The following IQCB1 variants were observed in gnomAD, a reference collection of about 807,000 sequenced individuals.
IQCB1 encodes IQ motif containing B1, also known as IQ calmodulin-binding motif-containing protein 1.
A neutral mutation model predicts 84.4 loss-of-function variants in IQCB1; 56 were observed. That is an observed-to-expected ratio of 0.66 (90% CI 0.54 to 0.83). The LOEUF (loss-of-function observed/expected upper bound fraction) is 0.83, where lower values mean the gene tolerates loss of function less well. Among genes scored for constraint, IQCB1 ranks in the 40% least tolerant of loss-of-function variants. The probability of loss-of-function intolerance (pLI) is 0.00; values close to 1 mark genes in which losing one functional copy is unlikely to be tolerated. For missense variants in IQCB1, 629 were observed against 682.1 expected (o/e 0.92, Z 0.87); for synonymous variants, 210 against 234.8 (o/e 0.89, Z 0.96).
At chr3:121,784,335 T>C (rs1948625252) in intron 12 of IQCB1, among the ~76,000 whole-genome samples, 1 of 152,026 alleles carries the variant, frequency 6.6e-6, no homozygotes. Flanking sequence ...TGTGTGCCAC[T>C]GGCAAAATCT....
intron 2 of IQCB1, 42 bp from the exon 3 acceptor site, chr3:121,829,014 G>C (rs1950545291): frequency 1.9e-6 from 2 of 1,062,314 alleles, no homozygotes; most frequent in Non-Finnish European, 2.9e-6. Context: ...CAAAAAGCCA[G>C]GAAATGTTCA....
intron 7 of IQCB1, among the ~76,000 whole-genome samples, chr3:121,805,956 C>T (rs1257850730): frequency 6.6e-6 from 1 of 152,088 alleles, no homozygotes; most frequent in Admixed American, 6.6e-5. Flanking sequence ...GATGCCTCTC[C>T]CTATACTTCA....
intron 4 of IQCB1, among the ~76,000 whole-genome samples, chr3:121,827,305 T>C (rs752247583): frequency 1.3e-5 from 2 of 152,142 alleles, no homozygotes; most frequent in Non-Finnish European, 2.9e-5. Context: ...TTTACATGTA[T>C]CACTTTTTGT....
At position 121,770,060 on chromosome 3, in the gene IQCB1, C is replaced by A; in HGVS notation, c.*285G>T. On this transcript the variant is annotated 3_prime_UTR_variant, in exon 15 of 15. Coordinates refer to ENST00000310864, the MANE Select transcript of IQCB1 (RefSeq NM_001023570.4). ...TATTTAGTTGGAAAACAGAAGAAAC[C>A]AAAGAAAAACACACTTCATGTAAAC... 8 of 241,344 alleles carry A rather than the reference C, an allele frequency of 3.3e-5. No individual in the cohort carries two copies. Among genetic ancestry groups the A allele is most frequent in the Admixed American group, 5.1e-5 (1 of 19,654 alleles). 15.0% of individuals were successfully genotyped at this position (241,344 alleles called of 1,614,324 possible). A position where few individuals can be genotyped will look rare whatever the true frequency, so the allele number is the denominator to read the frequency against.
At position 121,830,836 on chromosome 3, in the gene IQCB1, A is replaced by G. The variant is rs551347313; in HGVS notation, c.-12-1864T>C. The stretch of plus-strand genomic sequence containing the variant: ...CTGTAGGTCATAAGACCCCTGTTTC[A>G]GAATGGGTCTTGCCCTATATCCTGG... On this transcript the variant is annotated intron_variant, in intron 2 of 14. Transcript: ENST00000310864. Among the ~76,000 whole-genome samples, 39 of 152,328 alleles carry G rather than the reference A, an allele frequency of 2.6e-4. No individual in the cohort carries two copies. The Middle Eastern group carries it at 0.01, about 40-fold the overall frequency.
intron 10 of IQCB1, among the ~76,000 whole-genome samples, chr3:121,793,754 T>TA (rs1172282127): frequency 6.6e-6 from 1 of 152,184 alleles, no homozygotes; most frequent in Non-Finnish European, 1.5e-5. Flanking sequence ...TCTGGTTACA[T>TA]AAAGAAAGCA....
chr3:121,772,523 C>T (rs1465920968), intron 14 of IQCB1, 34 bp downstream of exon 14: 2 of 1,612,204 alleles, frequency 1.2e-6, no homozygotes, highest in East Asian at 2.2e-5. Context: ...ATAGGTTGTT[C>T]CTTTTAGAGA....
intron 8 of IQCB1, among the ~76,000 whole-genome samples, chr3:121,797,488 TAAA>T (rs11288085): frequency 4.5e-5 from 6 of 133,632 alleles, no homozygotes; most frequent in Admixed American, 7.4e-5. Context: ...ATCTCTTTAA[TAAA>T]AAAAAAAAAA....
At chr3:121,815,696 AC>A (rs1333230545) in intron 5 of IQCB1, among the ~76,000 whole-genome samples, 1 of 152,214 alleles carries the variant, frequency 6.6e-6, no homozygotes, top group Admixed American at 6.5e-5. Flanking sequence ...AATACAACTT[AC>A]AAGGGACATG....
chr3:121,810,103 T>C (rs1397599987), intron 5 of IQCB1, among the ~76,000 whole-genome samples: 1 of 152,132 alleles, frequency 6.6e-6, no homozygotes, highest in Non-Finnish European at 1.5e-5. Flanking sequence ...TGTTGTACTC[T>C]TAGACTTCCT....
intron 5 of IQCB1, among the ~76,000 whole-genome samples, 181 bp downstream of exon 5, chr3:121,825,870 T>C (rs954492388): frequency 6.6e-6 from 1 of 152,214 alleles, no homozygotes; most frequent in African/African-American, 2.4e-5. Flanking sequence ...ATGGCAAGCT[T>C]CAGTCAGCAT....
Position 121,809,310 on chromosome 3 carries a change from T to C in IQCB1, c.394-301A>G, listed in dbSNP as rs113590787. On this transcript the variant is annotated intron_variant, in intron 5 of 14. Transcript: ENST00000310864. ...CTTGCTATGCATCAGAATCACCTGTTGAGCTTTTTAAATACATCTATGCAC... is the reference window on the plus strand; with the variant it reads ...CTTGCTATGCATCAGAATCACCTGTCGAGCTTTTTAAATACATCTATGCAC... Among the ~76,000 whole-genome samples the C allele has an allele frequency of 9.2e-5, 14 of 152,144 alleles. 1 individual carries two copies. Among genetic ancestry groups the C allele is most frequent in the South Asian group, 4.1e-4 (2 of 4,828 alleles).
intron 11 of IQCB1, 52 bp from the exon 12 acceptor site, chr3:121,788,484 A>C: frequency 6.7e-7 from 1 of 1,502,930 alleles, no homozygotes; most frequent in Non-Finnish European, 9.3e-7. Context: ...TGCTTTCTTA[A>C]GTTCTGGAAT....
intron 5 of IQCB1, among the ~76,000 whole-genome samples, chr3:121,811,725 C>T (rs981661804): frequency 1.3e-5 from 2 of 152,144 alleles, no homozygotes; most frequent in African/African-American, 2.4e-5. Flanking sequence ...CTCTAGATTC[C>T]TCCTCACTGG....
At chr3:121,832,528 T>C (rs1156911506) in intron 2 of IQCB1, among the ~76,000 whole-genome samples, 1 of 152,174 alleles carries the variant, frequency 6.6e-6, no homozygotes, top group African/African-American at 2.4e-5. Flanking sequence ...GGTTTCACCA[T>C]GTTGGCCAGG....
intron 10 of IQCB1, among the ~76,000 whole-genome samples, chr3:121,795,229 A>G (rs992622073): frequency 1.3e-5 from 2 of 152,088 alleles, no homozygotes; most frequent in Admixed American, 6.5e-5. Context: ...CAAATATCTT[A>G]TTAAGTGGAT....
chr3:121,788,609 C>A (rs985479010), intron 11 of IQCB1, among the ~76,000 whole-genome samples, 177 bp from the exon 12 acceptor site: 1 of 151,648 alleles, frequency 6.6e-6, no homozygotes, highest in Non-Finnish European at 1.5e-5. Flanking sequence ...CAAAGCTTTC[C>A]CAGATTATGC....
At chr3:121,795,139 A>G (rs1949128624) in intron 10 of IQCB1, among the ~76,000 whole-genome samples, 1 of 152,084 alleles carries the variant, frequency 6.6e-6, no homozygotes, top group Non-Finnish European at 1.5e-5. Flanking sequence ...AATTATACAC[A>G]CGAAATTATG....
chr3:121,814,802 C>T (rs565171370), intron 5 of IQCB1, among the ~76,000 whole-genome samples: 13 of 152,162 alleles, frequency 8.5e-5, no homozygotes, highest in South Asian at 4.2e-4. Context: ...CAGGACCAGA[C>T]GGATTCACAG....
Sources: gnomAD v4.1 joint callset for allele counts (sites outside exome capture counted in the v4.1 genomes callset) on GRCh38, gnomAD v4.1.1 for gene constraint, MANE v1.5 for transcripts, NCBI Gene and HGNC (gene_info 2026-07-23, HGNC 2026-07-21) for gene names.